INPP5A: variants seen among roughly 807,000 people sequenced by gnomAD.
INPP5A encodes inositol polyphosphate-5-phosphatase A.
Under a neutral mutation model 65.2 loss-of-function variants are expected in INPP5A, and 14 were observed. The ratio of observed to expected loss-of-function variants is 0.21; its 90% confidence interval spans 0.14 to 0.34. The LOEUF (loss-of-function observed/expected upper bound fraction) is 0.34, where lower values mean the gene tolerates loss of function less well. Among genes scored for constraint, INPP5A ranks in the 10% least tolerant of loss-of-function variants. The probability of loss-of-function intolerance (pLI) is 1.00; values close to 1 mark genes in which losing one functional copy is unlikely to be tolerated. For missense variants in INPP5A, 431 were observed against 545.6 expected, an observed-to-expected ratio of 0.79 and a Z score of 2.09; for synonymous variants, 207 against 208.3, an observed-to-expected ratio of 0.99 and a Z score of 0.05.
intron 1 of INPP5A, among the ~76,000 whole-genome samples, chr10:132,581,458 A>G (rs1489729437): frequency 6.6e-6 from 1 of 152,204 alleles, no homozygotes; most frequent in Non-Finnish European, 1.5e-5. Flanking sequence ...TAGTTTTATC[A>G]GAGGCTCTGG....
chr10:132,716,638 G>A (rs1240740082), intron 8 of INPP5A, among the ~76,000 whole-genome samples: 1 of 152,204 alleles, frequency 6.6e-6, no homozygotes, highest in African/African-American at 2.4e-5. Flanking sequence ...GAACCCCAGC[G>A]TCACCACTGG....
At chr10:132,591,833 C>T (rs1311380842) in intron 1 of INPP5A, among the ~76,000 whole-genome samples, 2 of 152,170 alleles carry the variant, frequency 1.3e-5, no homozygotes, top group South Asian at 2.1e-4. Context: ...GGTCTCATTC[C>T]CTCCCCCGAT....
chr10:132,620,203 G>T (rs1307254448), intron 2 of INPP5A, among the ~76,000 whole-genome samples: 1 of 152,198 alleles, frequency 6.6e-6, no homozygotes, highest in South Asian at 2.1e-4. Context: ...TGCCTTCAAG[G>T]CCTTTTTGTC....
chr10:132,559,391 T>C (rs968750282), intron 1 of INPP5A, among the ~76,000 whole-genome samples: 36 of 152,254 alleles, frequency 2.4e-4, no homozygotes, highest in African/African-American at 8.7e-4. Flanking sequence ...CCATAAAACC[T>C]ACAGTTCAGT....
At chr10:132,719,942 A>C (rs549177144) in intron 8 of INPP5A, among the ~76,000 whole-genome samples, 20 of 114,930 alleles carry the variant, frequency 1.7e-4, no homozygotes, top group Admixed American at 5.8e-4. Flanking sequence ...GGCTGTCTTC[A>C]GGGTTCTGTG....
At chr10:132,622,313 C>T (rs976873566) in intron 2 of INPP5A, among the ~76,000 whole-genome samples, 1 of 150,974 alleles carries the variant, frequency 6.6e-6, no homozygotes, top group African/African-American at 2.5e-5. Context: ...AGAAATATAC[C>T]GCGTTCGTGG....
chr10:132,593,119 CGATAA>C (rs2071639420), intron 1 of INPP5A, among the ~76,000 whole-genome samples: 1 of 152,184 alleles, frequency 6.6e-6, no homozygotes, highest in Admixed American at 6.5e-5. Flanking sequence ...AGTGGCTCTT[CGATAA>C]GATGAGACCC....
chr10:132,780,025 C>T (rs1296469113), intron 13 of INPP5A, among the ~76,000 whole-genome samples: 1 of 152,278 alleles, frequency 6.6e-6, no homozygotes, highest in Non-Finnish European at 1.5e-5. Context: ...TCTGCGGAGG[C>T]GCCGCTTCAC....
intron 4 of INPP5A, among the ~76,000 whole-genome samples, chr10:132,654,282 A>G (rs2072620712): frequency 6.6e-6 from 1 of 152,230 alleles, no homozygotes; most frequent in African/African-American, 2.4e-5. Context: ...TCTCTCCCAC[A>G]GCCACGGCCC....
chr10:132,717,914 G>C (rs1291796582), intron 8 of INPP5A, among the ~76,000 whole-genome samples: 2 of 142,348 alleles, frequency 1.4e-5, no homozygotes, highest in Non-Finnish European at 3.0e-5. Context: ...TGTGGTACCT[G>C]GGTTCTGTCT....
intron 9 of INPP5A, among the ~76,000 whole-genome samples, chr10:132,739,914 G>T (rs1055762788): frequency 1.3e-5 from 2 of 152,208 alleles, no homozygotes; most frequent in Non-Finnish European, 1.5e-5. Flanking sequence ...GACGTTCGGG[G>T]GTGCCGCCTG....
Position 132,615,467 on chromosome 10 carries a change from G to A in INPP5A, c.117+7511G>A, listed in dbSNP as rs1374948806. Among the ~76,000 whole-genome samples, 9 of 152,224 alleles carry A rather than the reference G, an allele frequency of 5.9e-5. No homozygotes were observed. The South Asian group carries it at 6.2e-4, about 10-fold the overall frequency. ...CCCCAGGCATCTGGGGTGAAGGCCC[G>A]TGGCCGCTGCTCAGTGGAGTTGGAG... On this transcript the variant is annotated intron_variant, in intron 2 of 15. Transcript: ENST00000368594.
intron 1 of INPP5A, among the ~76,000 whole-genome samples, chr10:132,571,182 A>G (rs1033017193): frequency 2.0e-5 from 3 of 152,274 alleles, no homozygotes; most frequent in Admixed American, 2.0e-4. Context: ...GGAATGCAGC[A>G]TGAGGCAGGT....
chr10:132,554,563 G>A (rs1243441453), intron 1 of INPP5A, among the ~76,000 whole-genome samples: 3 of 152,008 alleles, frequency 2.0e-5, no homozygotes, highest in Non-Finnish European at 4.4e-5. Flanking sequence ...GTTGTGGGTT[G>A]TGGTTGGCGT....
At chr10:132,696,975 G>A (rs565347642) in intron 5 of INPP5A, among the ~76,000 whole-genome samples, 56 of 152,362 alleles carry the variant, frequency 3.7e-4, no homozygotes, top group Admixed American at 3.5e-3. Flanking sequence ...CCATAGTGGG[G>A]TGGATAATAC....
At chr10:132,626,104 G>C (rs528982011) in intron 2 of INPP5A, among the ~76,000 whole-genome samples, 2 of 152,302 alleles carry the variant, frequency 1.3e-5, no homozygotes, top group African/African-American at 4.8e-5. Context: ...GAGACCCAGG[G>C]AACGTGGCGG....
Position 132,704,325 on chromosome 10 carries a change from A to G in INPP5A, c.475-3988A>G, listed in dbSNP as rs936119275. 2.6e-5 allele frequency among the ~76,000 whole-genome samples: 4 copies of G among 152,170 alleles called. No individual in the cohort carries two copies. Among genetic ancestry groups the G allele is most frequent in the South Asian group, 2.1e-4 (1 of 4,832 alleles). On this transcript the variant is annotated intron_variant, in intron 6 of 15. Transcript: ENST00000368594. The surrounding 1 kb of genome is among the most constrained non-coding windows in gnomAD (Gnocchi z 4.5). ...CCAGTCACACGTCCAGCCTTCTCCC[A>G]TGACAGCCCCCATGGGTGAGAACCC...
At chr10:132,654,436 G>A (rs2072623589) in intron 4 of INPP5A, among the ~76,000 whole-genome samples, 3 of 152,238 alleles carry the variant, frequency 2.0e-5, no homozygotes, top group Admixed American at 2.0e-4. Context: ...ACTGAGACTG[G>A]GCTGGCAGAC....
At position 132,633,789 on chromosome 10, in the gene INPP5A, T is replaced by C. The variant is rs185039950; in HGVS notation, c.118-12079T>C. 1.4e-4 allele frequency among the ~76,000 whole-genome samples: 21 copies of C among 152,352 alleles called. No individual in the cohort carries two copies. The East Asian group carries it at 4.0e-3, about 29-fold the overall frequency. On this transcript the variant is annotated intron_variant, in intron 2 of 15. Coordinates refer to ENST00000368594, the MANE Select transcript of INPP5A (RefSeq NM_005539.5). ...CTGGAGGGAATGTGTTTTTTGGGTTTCTGGTTTTGTTCCTACAGAGTTAGT... is the reference window on the plus strand; with the variant it reads ...CTGGAGGGAATGTGTTTTTTGGGTTCCTGGTTTTGTTCCTACAGAGTTAGT...
Sources: gnomAD v4.1 joint callset for allele counts (sites outside exome capture counted in the v4.1 genomes callset) on GRCh38, gnomAD v4.1.1 for gene constraint, Gnocchi (gnomAD v3.1) non-coding constraint, MANE v1.5 for transcripts, NCBI Gene and HGNC (gene_info 2026-07-23, HGNC 2026-07-21) for gene names.